CRTAP: variants seen among roughly 807,000 people sequenced by gnomAD.
CRTAP encodes cartilage-associated protein.
A neutral mutation model predicts 42.7 loss-of-function variants in CRTAP; 33 were observed. The observed-to-expected ratio is 0.77, with a 90% CI of 0.59 to 1.03. The LOEUF (loss-of-function observed/expected upper bound fraction) is 1.03. Among genes scored for constraint, CRTAP ranks in the 50% least tolerant of loss-of-function variants. The pLI, the probability that CRTAP is intolerant of heterozygous loss-of-function variation, is 0.00. For missense variants in CRTAP, 613 were observed against 533.9 expected (o/e 1.15, Z -1.46); for synonymous variants, 243 against 217.7 (o/e 1.12, Z -1.02).
At chr3:33,117,780 G>A (rs1336170300) in intron 1 of CRTAP, among the ~76,000 whole-genome samples, 1 of 152,206 alleles carries the variant, frequency 6.6e-6, no homozygotes, top group Non-Finnish European at 1.5e-5. Context: ...TCCAAAATCT[G>A]CCTGGGGTCT....
intron 6 of CRTAP, 22 bp downstream of exon 6, chr3:33,134,287 ATGT>A (rs766706595): frequency 4.8e-6 from 7 of 1,450,948 alleles, no homozygotes; most frequent in Non-Finnish European, 1.9e-6. Context: ...TGCTTAGCAC[ATGT>A]CTGGTGGCTA....
At chr3:33,134,498 G>A (rs879700331) in intron 6 of CRTAP, among the ~76,000 whole-genome samples, 1 of 152,038 alleles carries the variant, frequency 6.6e-6, no homozygotes, top group Non-Finnish European at 1.5e-5. Context: ...ACGGGTGTGG[G>A]GCCACACTCC....
intron 6 of CRTAP, among the ~76,000 whole-genome samples, chr3:33,138,146 G>A (rs897509075): frequency 1.3e-5 from 2 of 151,142 alleles, no homozygotes; most frequent in African/African-American, 4.9e-5. Context: ...TTAGATTACT[G>A]TAGCTTTATA....
chr3:33,133,282 A>G (rs1399631095), intron 5 of CRTAP, among the ~76,000 whole-genome samples: 3 of 146,358 alleles, frequency 2.0e-5, no homozygotes, highest in Admixed American at 6.8e-5. Flanking sequence ...TTTTTGAGAC[A>G]GAGTCTTGCT....
chr3:33,125,708 A>G (rs1444304287), intron 3 of CRTAP, among the ~76,000 whole-genome samples: 1 of 151,958 alleles, frequency 6.6e-6, no homozygotes, highest in African/African-American at 2.4e-5. Flanking sequence ...ATATTATTTC[A>G]TTTGTAATAT....
At chr3:33,126,267 G>A (rs954297311) in intron 3 of CRTAP, among the ~76,000 whole-genome samples, 3 of 152,200 alleles carry the variant, frequency 2.0e-5, no homozygotes, top group Non-Finnish European at 4.4e-5. Context: ...TAATGTCCTC[G>A]TTTCATCCAT....
chr3:33,128,945 C>A (rs1184661814), intron 3 of CRTAP, among the ~76,000 whole-genome samples: 6 of 152,174 alleles, frequency 3.9e-5, no homozygotes, highest in Non-Finnish European at 7.3e-5. Flanking sequence ...TCATATGGCC[C>A]CAACCTAGCT....
chr3:33,114,206 G>A lies in CRTAP; in HGVS notation c.129G>A (p.Pro43=), dbSNP rs764596502. The A allele has an allele frequency of 3.1e-5, 49 of 1,593,246 alleles. No homozygotes were observed. Among genetic ancestry groups the A allele is most frequent in the Non-Finnish European group, 4.0e-5 (47 of 1,176,154 alleles). ...FRSFPRDELM[P]LESAYRHALD... Reference sequence around the variant, plus strand: ...GCTTCCCACGGGACGAGCTGATGCCGCTCGAGTCGGCCTACCGGCACGCGC... The same window carrying A: ...GCTTCCCACGGGACGAGCTGATGCCACTCGAGTCGGCCTACCGGCACGCGC... Residue 43 remains proline (P), a synonymous_variant, in exon 1 of 7, where the codon CCG becomes CCA. Coordinates refer to ENST00000320954, the MANE Select transcript of CRTAP (RefSeq NM_006371.5).
At chr3:33,130,306 C>T (rs2030214909) in intron 4 of CRTAP, among the ~76,000 whole-genome samples, 1 of 152,108 alleles carries the variant, frequency 6.6e-6, no homozygotes, top group Admixed American at 6.5e-5. Context: ...CTTTAGTTTC[C>T]TCATTGTGAA....
At chr3:33,141,936 C>T (rs2030585634) in intron 6 of CRTAP, among the ~76,000 whole-genome samples, 1 of 152,198 alleles carries the variant, frequency 6.6e-6, no homozygotes, top group Admixed American at 6.5e-5. Context: ...TCCTTCAACA[C>T]ATGTATTGAG....
Position 33,143,323 on chromosome 3 carries a change from A to G in CRTAP, c.*875A>G, listed in dbSNP as rs2030632279. On this transcript the variant is annotated 3_prime_UTR_variant, in exon 7 of 7. Transcript: ENST00000320954. The stretch of plus-strand genomic sequence containing the variant: ...GTACCAATTCTAGCACCCACTGAAA[A>G]ACAAGTTGAGTAGAGAGTGTAGAGT... 6.6e-6 allele frequency: 1 copy of G among 152,232 alleles called. No individual in the cohort carries two copies. 9.4% of individuals were successfully genotyped at this position (152,232 alleles called of 1,614,324 possible). A position where few individuals can be genotyped will look rare whatever the true frequency, so the allele number is the denominator to read the frequency against.
At chr3:33,129,751 T>C (rs939232363) in intron 3 of CRTAP, among the ~76,000 whole-genome samples, 188 bp from the exon 4 acceptor site, 1 of 151,974 alleles carries the variant, frequency 6.6e-6, no homozygotes, top group Non-Finnish European at 1.5e-5. Flanking sequence ...TTAACCAGGA[T>C]GGTCTCGATC....
Position 33,130,041 on chromosome 3 carries a change from A to G in CRTAP, c.896A>G (p.His299Arg). The change falls in exon 4 of 7, where the codon CAT becomes CGT. Residue 299 changes from histidine to arginine, a missense_variant. His to Arg is a conservative substitution (Grantham distance 29). Coordinates refer to ENST00000320954, the MANE Select transcript of CRTAP (RefSeq NM_006371.5). ...PVEKFVATMY[H>R]YLQFAYYKLN... ...GAGAAATTTGTGGCTACCATGTATC[A>G]TTACTTGCAGTTTGCCTATTATAAG... The G allele has an allele frequency of 6.2e-7, 1 of 1,613,920 alleles. No homozygotes were observed. Among genetic ancestry groups the G allele is most frequent in the South Asian group, 1.1e-5 (1 of 91,082 alleles).
intron 1 of CRTAP, among the ~76,000 whole-genome samples, chr3:33,118,572 A>G (rs947021952): frequency 2.0e-5 from 3 of 152,204 alleles, no homozygotes; most frequent in Non-Finnish European, 4.4e-5. Context: ...TTCGGTACCG[A>G]TATATGCCAT....
chr3:33,129,913 C>G, intron 3 of CRTAP, 26 bp from the exon 4 acceptor site: 1 of 1,608,898 alleles, frequency 6.2e-7, no homozygotes, highest in Non-Finnish European at 8.5e-7. Flanking sequence ...ATCCACTGCT[C>G]TGAAAATTTA....
At chr3:33,127,422 AATTATT>A (rs2030106034) in intron 3 of CRTAP, among the ~76,000 whole-genome samples, 1 of 151,740 alleles carries the variant, frequency 6.6e-6, no homozygotes. Flanking sequence ...CTGTGGGTAT[AATTATT>A]ATTGTTATTA....
intron 6 of CRTAP, among the ~76,000 whole-genome samples, chr3:33,135,322 A>G (rs1374962376): frequency 6.6e-6 from 1 of 152,190 alleles, no homozygotes; most frequent in Non-Finnish European, 1.5e-5. Flanking sequence ...AAGATTGGCC[A>G]CTGTGGTTTA....
At chr3:33,121,337 G>A (rs892220487) in intron 2 of CRTAP, among the ~76,000 whole-genome samples, 6 of 151,696 alleles carry the variant, frequency 4.0e-5, no homozygotes, top group Non-Finnish European at 5.9e-5. Context: ...ACTTCATCCC[G>A]GGAGACAGAG....
At chr3:33,138,574 A>G (rs1052621015) in intron 6 of CRTAP, among the ~76,000 whole-genome samples, 8 of 152,218 alleles carry the variant, frequency 5.3e-5, no homozygotes, top group Non-Finnish European at 8.8e-5. Flanking sequence ...GGCATATTCT[A>G]AAAGAATAGA....
Sources: allele counts gnomAD v4.1 joint callset (sites outside exome capture counted in the v4.1 genomes callset), GRCh38; gene constraint gnomAD v4.1.1; transcripts MANE v1.5; gene names NCBI Gene and HGNC (gene_info 2026-07-23, HGNC 2026-07-21).